Variants in ARL15 observed in about 807,000 individuals in gnomAD.
ARL15 encodes the protein ARF like GTPase 15, also known as ADP-ribosylation factor-like protein 15.
In ARL15, 19 loss-of-function variants were observed where a neutral mutation model predicts 25.2. The ratio of observed to expected loss-of-function variants is 0.75; its 90% CI spans 0.53 to 1.10. The LOEUF (loss-of-function observed/expected upper bound fraction) is 1.10, where lower values mean the gene tolerates loss of function less well. Among genes scored for constraint, ARL15 ranks in the 50% least tolerant of loss-of-function variants. ARL15 has a pLI of 0.00. For synonymous variants in ARL15, 94 were observed against 86.8 expected (o/e 1.08, Z -0.46); for missense variants, 220 against 246.0 (o/e 0.89, Z 0.71).
chr5:54,247,659 A>C (rs965747825), intron 1 of ARL15, among the ~76,000 whole-genome samples: 1 of 152,034 alleles, frequency 6.6e-6, no homozygotes, highest in Non-Finnish European at 1.5e-5. Flanking sequence ...CATATTTTTT[A>C]AATTCAGCTA....
At chr5:54,302,683 A>ATTTT (rs372704359) in intron 1 of ARL15, among the ~76,000 whole-genome samples, 1,606 of 77,806 alleles carry the variant, frequency 0.021, 176 homozygotes, top group Admixed American at 0.026. Context: ...TAAAATTAAG[A>ATTTT]TTTTTTTTTT....
intron 4 of ARL15, among the ~76,000 whole-genome samples, chr5:53,906,446 G>C (rs1745252544): frequency 2.0e-5 from 3 of 152,026 alleles, no homozygotes; most frequent in Admixed American, 6.6e-5. Context: ...TGGGGAAAGA[G>C]AAAAAAATGG....
intron 1 of ARL15, among the ~76,000 whole-genome samples, chr5:54,267,369 G>T (rs1757656497): frequency 6.6e-6 from 1 of 152,164 alleles, no homozygotes; most frequent in Admixed American, 6.5e-5. Context: ...GGGATTACAG[G>T]CATGAGCCAC....
At chr5:54,109,285 GA>G (rs1752671186) in intron 4 of ARL15, among the ~76,000 whole-genome samples, 1 of 151,826 alleles carries the variant, frequency 6.6e-6, no homozygotes, top group African/African-American at 2.4e-5. Context: ...TGCTTTAATA[GA>G]AAATATTCAA....
At chr5:53,975,755 C>G (rs1334888866) in intron 4 of ARL15, among the ~76,000 whole-genome samples, 2 of 152,216 alleles carry the variant, frequency 1.3e-5, no homozygotes, top group African/African-American at 4.8e-5. Flanking sequence ...CAACCATCCA[C>G]AAGGCTTGCA....
At chr5:54,178,195 T>C (rs536181484) in intron 1 of ARL15, among the ~76,000 whole-genome samples, 2 of 152,334 alleles carry the variant, frequency 1.3e-5, no homozygotes, top group African/African-American at 2.4e-5. Flanking sequence ...TGCCAGTGTT[T>C]CCTACCATCC....
In ARL15 at chr5:54,034,481, T is replaced by A. The variant is rs556614462; in HGVS notation, c.462+78721A>T. Among the ~76,000 whole-genome samples the A allele has an allele frequency of 5.3e-5, 8 of 152,332 alleles. No individual in the cohort carries two copies. The South Asian group carries it at 1.2e-3, about 24-fold the overall frequency. On this transcript the variant is annotated intron_variant, in intron 4 of 4. Coordinates refer to ENST00000504924, the MANE Select transcript of ARL15 (RefSeq NM_019087.3). ...CTCCCTTCTACTACTGTGAATAAAATGCATTCAAATGCTATTTGTTAAAGT... is the reference window on the plus strand; with the variant it reads ...CTCCCTTCTACTACTGTGAATAAAAAGCATTCAAATGCTATTTGTTAAAGT...
chr5:54,105,848 T>C (rs1484852421), intron 4 of ARL15, among the ~76,000 whole-genome samples: 1 of 152,184 alleles, frequency 6.6e-6, no homozygotes, highest in East Asian at 1.9e-4. Context: ...CTCATTTGTT[T>C]TTAATAAATT....
At chr5:54,160,362 A>C (rs1432081091) in intron 2 of ARL15, among the ~76,000 whole-genome samples, 1 of 152,184 alleles carries the variant, frequency 6.6e-6, no homozygotes, top group Non-Finnish European at 1.5e-5. Flanking sequence ...AATCTTTTTC[A>C]AATATGGTAT....
At chr5:54,113,667 A>C (rs770865672) in intron 3 of ARL15, among the ~76,000 whole-genome samples, 1 of 152,232 alleles carries the variant, frequency 6.6e-6, no homozygotes, top group South Asian at 2.1e-4. Context: ...CTTTTATATA[A>C]AAATGTGTGT....
intron 2 of ARL15, among the ~76,000 whole-genome samples, chr5:54,164,690 C>T (rs973563228): frequency 2.6e-5 from 4 of 151,894 alleles, no homozygotes; most frequent in African/African-American, 4.8e-5. Context: ...TTTCTTTTGA[C>T]TAGTGTTAGC....
intron 4 of ARL15, among the ~76,000 whole-genome samples, chr5:54,004,258 G>A (rs1428757954): frequency 6.6e-6 from 1 of 152,138 alleles, no homozygotes; most frequent in Non-Finnish European, 1.5e-5. Context: ...ACTTTGGGAG[G>A]CTGAGGCAGG....
chr5:54,092,047 A>AACAC (rs758037549), intron 4 of ARL15, among the ~76,000 whole-genome samples: 60 of 146,316 alleles, frequency 4.1e-4, no homozygotes, highest in Admixed American at 1.4e-3. Flanking sequence ...TCAAATTGAA[A>AACAC]ACACACACAC....
chr5:54,271,905 CATTTATTTATTT>C (rs34653736), intron 1 of ARL15, among the ~76,000 whole-genome samples: 11,216 of 146,344 alleles, frequency 0.077, 589 homozygotes, highest in African/African-American at 0.14. Context: ...CTGTGCTTAA[CATTTATTTATTT>C]ATTTATTTAT....
chr5:53,995,337 G>A (rs1475133763), intron 4 of ARL15, among the ~76,000 whole-genome samples: 1 of 135,204 alleles, frequency 7.4e-6, no homozygotes, highest in Non-Finnish European at 1.6e-5. Context: ...AGCAATTGGG[G>A]ATTTTTTTAA....
At chr5:54,090,233 C>T (rs1402309227) in intron 4 of ARL15, among the ~76,000 whole-genome samples, 2 of 152,078 alleles carry the variant, frequency 1.3e-5, no homozygotes, top group African/African-American at 2.4e-5. Context: ...GAATATTACA[C>T]AGCAATAAAG....
intron 4 of ARL15, among the ~76,000 whole-genome samples, chr5:54,062,522 A>G (rs1304499883): frequency 6.6e-6 from 1 of 150,752 alleles, no homozygotes; most frequent in Admixed American, 6.6e-5. Flanking sequence ...TTAAGGAAAA[A>G]AAAAAAAAAA....
At chr5:54,287,005 A>G (rs971656167) in intron 1 of ARL15, among the ~76,000 whole-genome samples, 5 of 151,562 alleles carry the variant, frequency 3.3e-5, no homozygotes, top group African/African-American at 1.2e-4. Flanking sequence ...AGCCTCCCAA[A>G]TAGCTAGGAC....
chr5:54,104,409 A>G (rs1284964533), intron 4 of ARL15, among the ~76,000 whole-genome samples: 1 of 152,148 alleles, frequency 6.6e-6, no homozygotes, highest in East Asian at 1.9e-4. Flanking sequence ...AAATGTTTCA[A>G]TATTTCCTTC....
Sources: allele counts gnomAD v4.1 joint callset (sites outside exome capture counted in the v4.1 genomes callset), GRCh38; gene constraint gnomAD v4.1.1; transcripts MANE v1.5; gene names NCBI Gene and HGNC (gene_info 2026-07-23, HGNC 2026-07-21).